The following SEMA5A variants were observed in gnomAD, a reference collection of about 807,000 sequenced individuals.
SEMA5A encodes semaphorin-5A.
SEMA5A carries 55 observed loss-of-function variants against 135.5 expected under a neutral mutation model. The ratio of observed to expected loss-of-function variants is 0.41; its 90% CI spans 0.33 to 0.51. SEMA5A has a LOEUF of 0.51. Among genes scored for constraint, SEMA5A ranks in the 20% least tolerant of loss-of-function variants. The probability of loss-of-function intolerance (pLI) is 0.37; values close to 1 mark genes in which losing one functional copy is unlikely to be tolerated. For missense variants in SEMA5A, 1,290 were observed against 1,419.9 expected, an observed-to-expected ratio of 0.91 and a Z score of 1.47; for synonymous variants, 580 against 546.5, an observed-to-expected ratio of 1.06 and a Z score of -0.85.
intron 1 of SEMA5A, among the ~76,000 whole-genome samples, chr5:9,447,752 C>T (rs894991006): frequency 3.0e-4 from 46 of 152,272 alleles, no homozygotes; most frequent in African/African-American, 9.4e-4. Flanking sequence ...TCTTACCTTC[C>T]TATAAACACT....
intron 16 of SEMA5A, among the ~76,000 whole-genome samples, chr5:9,072,419 C>CATTT (rs1561124917): frequency 4.6e-5 from 7 of 152,098 alleles, no homozygotes; most frequent in African/African-American, 1.7e-4. Flanking sequence ...TCACCCATCA[C>CATTT]GATTTCAATT....
chr5:9,199,439 TG>T (rs1476360748), intron 9 of SEMA5A, among the ~76,000 whole-genome samples: 3 of 152,134 alleles, frequency 2.0e-5, no homozygotes, highest in Non-Finnish European at 4.4e-5. Flanking sequence ...CTTCCTAGGA[TG>T]GGATTGTCTA....
At position 9,526,817 on chromosome 5, in the gene SEMA5A, C is replaced by T. The variant is rs1737149348; in HGVS notation, c.-175+18767G>A. 2.6e-5 allele frequency among the ~76,000 whole-genome samples: 4 copies of T among 152,158 alleles called. No individual in the cohort carries two copies. The South Asian group carries it at 8.3e-4, about 32-fold the overall frequency. On this transcript the variant is annotated intron_variant, in intron 1 of 22. Coordinates refer to ENST00000382496, the MANE Select transcript of SEMA5A (RefSeq NM_003966.3). ...ACAACTCAAGAACTGGGAAAGCTAC[C>T]CACCCTACTGGGCTGTCAGTGACTT...
At chr5:9,154,162 C>T (rs562978470) in intron 12 of SEMA5A, among the ~76,000 whole-genome samples, 7 of 143,072 alleles carry the variant, frequency 4.9e-5, no homozygotes, top group Non-Finnish European at 7.5e-5. Context: ...TATATATAAG[C>T]TTGTGCCAGA....
chr5:9,402,658 G>T (rs1450376192), intron 2 of SEMA5A, among the ~76,000 whole-genome samples: 1 of 152,144 alleles, frequency 6.6e-6, no homozygotes, highest in East Asian at 1.9e-4. Flanking sequence ...ATGTTAGTGA[G>T]GTGAAATAAT....
chr5:9,336,109 T>C (rs1457133207), intron 4 of SEMA5A, among the ~76,000 whole-genome samples: 1 of 152,138 alleles, frequency 6.6e-6, no homozygotes, highest in Non-Finnish European at 1.5e-5. Context: ...AGTGGGAGTT[T>C]ACCAAGCAGA....
chr5:9,219,188 G>A (rs1253136956), intron 8 of SEMA5A, among the ~76,000 whole-genome samples: 1 of 152,214 alleles, frequency 6.6e-6, no homozygotes, highest in Non-Finnish European at 1.5e-5. Flanking sequence ...TCTGTGGAGA[G>A]TGGGTCAGAG....
chr5:9,403,559 T>C (rs1756755024), intron 2 of SEMA5A, among the ~76,000 whole-genome samples: 1 of 152,136 alleles, frequency 6.6e-6, no homozygotes, highest in South Asian at 2.1e-4. Context: ...GCTATAAGGA[T>C]TGTAATATTG....
chr5:9,207,851 TGATA>T (rs55679317), intron 8 of SEMA5A, among the ~76,000 whole-genome samples: 13,147 of 145,914 alleles, frequency 0.09, 740 homozygotes, highest in East Asian at 0.23. Flanking sequence ...AGACAGATGA[TGATA>T]GATAGATAGA....
chr5:9,230,158 C>CTTTTTTTTTTTT (rs5865817), intron 6 of SEMA5A, among the ~76,000 whole-genome samples: 32 of 98,276 alleles, frequency 3.3e-4, no homozygotes, highest in African/African-American at 6.5e-4. Context: ...CTATTTTTTT[C>CTTTTTTTTTTTT]TTTTTTTTTT....
intron 21 of SEMA5A, among the ~76,000 whole-genome samples, chr5:9,046,216 G>C (rs751555594): frequency 1.3e-5 from 2 of 152,206 alleles, no homozygotes; most frequent in African/African-American, 4.8e-5. Flanking sequence ...GTGAGGGGCA[G>C]TGTCACTAAT....
chr5:9,233,480 A>G lies in SEMA5A; in HGVS notation c.333+4348T>C, dbSNP rs569440584. Among the ~76,000 whole-genome samples the G allele has an allele frequency of 2.4e-4, 36 of 150,998 alleles. No homozygotes were observed. The South Asian group carries it at 2.5e-3, about 11-fold the overall frequency. ...TCCCCACCCCCACTTTTTTTCCCCC[A>G]TGGAATATTTAAGCCATTGCAGGCA... On this transcript the variant is annotated intron_variant, in intron 6 of 22. Transcript: ENST00000382496.
In SEMA5A at chr5:9,195,641, A is replaced by G. The variant is rs1452307250; in HGVS notation, c.1068+1527T>C. ...AGATAGATGTGTGATAAAAATGCAC[A>G]TAATTTGCTCAAGGAAAGCAGCACA... On this transcript the variant is annotated intron_variant, in intron 10 of 22. Transcript: ENST00000382496. Among the ~76,000 whole-genome samples, 41 of 152,380 alleles carry G rather than the reference A, an allele frequency of 2.7e-4. 2 individuals carry two copies.
intron 16 of SEMA5A, among the ~76,000 whole-genome samples, chr5:9,095,245 G>A (rs993811331): frequency 1.9e-4 from 29 of 152,158 alleles, no homozygotes; most frequent in African/African-American, 6.5e-4. Flanking sequence ...GAGGCCTGTC[G>A]GTGGGGGTCT....
chr5:9,196,760 A>G lies in SEMA5A; in HGVS notation c.1068+408T>C, dbSNP rs563287016. 1.6e-4 allele frequency among the ~76,000 whole-genome samples: 25 copies of G among 152,260 alleles called. 1 individual carries two copies. The South Asian group carries it at 2.3e-3, about 14-fold the overall frequency. On this transcript the variant is annotated intron_variant, in intron 10 of 22. Coordinates refer to ENST00000382496, the MANE Select transcript of SEMA5A (RefSeq NM_003966.3). ...ACAGGGAATCCCACCACATTTGCCA[A>G]TTAGCGCTCTAATCCTGTTTGTGTG... is the stretch of plus-strand genomic sequence containing the variant.
intron 2 of SEMA5A, among the ~76,000 whole-genome samples, chr5:9,430,959 A>T (rs1169571536): frequency 6.6e-6 from 1 of 152,180 alleles, no homozygotes. Context: ...TTGGAAAAAA[A>T]AATAAACAGC....
At chr5:9,108,343 T>G in intron 15 of SEMA5A, 56 bp from the exon 16 acceptor site, 1 of 1,592,122 alleles carries the variant, frequency 6.3e-7, no homozygotes, top group Non-Finnish European at 8.6e-7. Flanking sequence ...TTGAAACCAC[T>G]GACGTTTCCA....
chr5:9,473,963 C>A (rs1759574756), intron 1 of SEMA5A, among the ~76,000 whole-genome samples: 1 of 152,028 alleles, frequency 6.6e-6, no homozygotes, highest in Non-Finnish European at 1.5e-5. Flanking sequence ...TGGTGAGAAG[C>A]AAGATCATAC....
intron 1 of SEMA5A, among the ~76,000 whole-genome samples, chr5:9,529,186 C>T (rs1002828499): frequency 1.2e-4 from 18 of 152,224 alleles, no homozygotes; most frequent in African/African-American, 4.1e-4. Flanking sequence ...CAACTGTGGC[C>T]GTGTGCTCTA....
Sources: gnomAD v4.1 joint callset for allele counts (sites outside exome capture counted in the v4.1 genomes callset) on GRCh38, gnomAD v4.1.1 for gene constraint, MANE v1.5 for transcripts, NCBI Gene and HGNC (gene_info 2026-07-23, HGNC 2026-07-21) for gene names.